GRM7: variants seen among roughly 807,000 people sequenced by gnomAD.
GRM7 encodes glutamate metabotropic receptor 7, also known as metabotropic glutamate receptor 7.
GRM7 carries 35 observed loss-of-function variants against 84.5 expected under a neutral mutation model. The ratio of observed to expected loss-of-function variants is 0.41; its 90% CI spans 0.32 to 0.55. The LOEUF (loss-of-function observed/expected upper bound fraction) is 0.55, where lower values mean the gene tolerates loss of function less well. Ranked by LOEUF, GRM7 falls within the 20% of genes least tolerant of loss-of-function variation. The pLI, the probability that GRM7 is intolerant of heterozygous loss-of-function variation, is 0.19. For synonymous variants in GRM7, 487 were observed against 455.1 expected (o/e 1.07, Z -0.89); for missense variants, 1,003 against 1,194.6 (o/e 0.84, Z 2.36).
rs555811056 is a variant in GRM7 at position 7,497,035 on chromosome 3, T to A, written c.1515+35313T>A. On this transcript the variant is annotated intron_variant, in intron 7 of 9. Transcript: ENST00000357716. The stretch of plus-strand genomic sequence containing the variant: ...CTATAGAAAAATCTAGGAATAGGAA[T>A]TCTGGCCCTTGCTTTGTCCACTTAA... Among the ~76,000 whole-genome samples, 179 of 139,718 alleles carry A rather than the reference T, an allele frequency of 1.3e-3. 1 individual carries two copies. Among genetic ancestry groups the A allele is most frequent in the African/African-American group, 4.3e-3 (171 of 40,004 alleles). The allele number at this position is 139,718 out of a possible 152,430, so 91.7% of individuals were successfully genotyped here. A position where few individuals can be genotyped will look rare whatever the true frequency, so the allele number is the denominator to read the frequency against.
intron 9 of GRM7, among the ~76,000 whole-genome samples, chr3:7,730,311 TTTTG>T (rs1002735549): frequency 6.6e-5 from 10 of 152,110 alleles, no homozygotes; most frequent in Non-Finnish European, 1.2e-4. Context: ...TGGCCTGTTT[TTTTG>T]TTTGTTTGTT....
intron 8 of GRM7, among the ~76,000 whole-genome samples, chr3:7,625,800 CAT>C (rs772379471): frequency 1.4e-4 from 22 of 152,176 alleles, no homozygotes; most frequent in Non-Finnish European, 2.9e-4. Context: ...AGAAATGTAA[CAT>C]GTGCAGTTCA....
chr3:7,217,937 T>A (rs925048410), intron 2 of GRM7, among the ~76,000 whole-genome samples: 1 of 152,014 alleles, frequency 6.6e-6, no homozygotes, highest in African/African-American at 2.4e-5. Context: ...CATATCCTTA[T>A]TAGTCAAGAT....
intron 1 of GRM7, among the ~76,000 whole-genome samples, chr3:7,096,509 C>G (rs549335278): frequency 4.9e-4 from 75 of 152,172 alleles, no homozygotes; most frequent in African/African-American, 1.5e-3. Context: ...CCCTCTCCCC[C>G]CACTGTGATG....
chr3:7,401,191 A>C (rs1329675891), intron 4 of GRM7, among the ~76,000 whole-genome samples: 1 of 152,170 alleles, frequency 6.6e-6, no homozygotes, highest in Non-Finnish European at 1.5e-5. Flanking sequence ...ACGAAGAAGC[A>C]ATCCCTGGTG....
chr3:6,927,121 G>C (rs1697325725), intron 1 of GRM7, among the ~76,000 whole-genome samples: 1 of 152,094 alleles, frequency 6.6e-6, no homozygotes, highest in Admixed American at 6.6e-5. Flanking sequence ...CATAAAATAA[G>C]TAAGTAGAAT....
At chr3:7,260,897 C>G (rs1053533060) in intron 2 of GRM7, among the ~76,000 whole-genome samples, 3 of 152,120 alleles carry the variant, frequency 2.0e-5, no homozygotes, top group Non-Finnish European at 2.9e-5. Context: ...AGCTGTGTCC[C>G]AGAGATTCTG....
At chr3:7,680,543 T>C (rs1700323914) in intron 9 of GRM7, 2 of 491,986 alleles carry the variant, frequency 4.1e-6, no homozygotes, top group Non-Finnish European at 7.4e-6. Flanking sequence ...CCCCTTCCCT[T>C]GCTTCTTGTC....
chr3:6,888,818 T>C (rs1368027518), intron 1 of GRM7, among the ~76,000 whole-genome samples: 1 of 152,174 alleles, frequency 6.6e-6, no homozygotes, highest in Non-Finnish European at 1.5e-5. Context: ...TAAATTACCT[T>C]GGGCAGTACG....
chr3:7,040,812 G>A (rs2124940690), intron 1 of GRM7, among the ~76,000 whole-genome samples: 1 of 152,066 alleles, frequency 6.6e-6, no homozygotes, highest in South Asian at 2.1e-4. Context: ...GCCAGGTGCA[G>A]TGGCTCATGC....
intron 8 of GRM7, among the ~76,000 whole-genome samples, chr3:7,584,922 A>G (rs1011365994): frequency 6.6e-6 from 1 of 152,220 alleles, no homozygotes; most frequent in African/African-American, 2.4e-5. Context: ...AAAGAAAGAG[A>G]ACTCTCATTA....
At chr3:6,958,341 T>G (rs1693153021) in intron 1 of GRM7, among the ~76,000 whole-genome samples, 1 of 152,148 alleles carries the variant, frequency 6.6e-6, no homozygotes, top group East Asian at 1.9e-4. Context: ...TCTTATTGGT[T>G]GACTAATTGA....
intron 8 of GRM7, among the ~76,000 whole-genome samples, chr3:7,624,443 T>C (rs1191615001): frequency 1.3e-5 from 2 of 152,178 alleles, no homozygotes; most frequent in East Asian, 3.9e-4. Flanking sequence ...GTTAACTACG[T>C]AATTATACAT....
chr3:6,937,839 A>G (rs1182801755), intron 1 of GRM7, among the ~76,000 whole-genome samples: 1 of 152,210 alleles, frequency 6.6e-6, no homozygotes, highest in Non-Finnish European at 1.5e-5. Context: ...TGTTGTGGTC[A>G]TGATCATTAT....
chr3:7,290,696 C>G (rs564276196), intron 2 of GRM7, among the ~76,000 whole-genome samples: 1 of 152,130 alleles, frequency 6.6e-6, no homozygotes, highest in Admixed American at 6.5e-5. Flanking sequence ...AGCATAACCT[C>G]TGCTATTTAT....
intron 1 of GRM7, among the ~76,000 whole-genome samples, chr3:7,012,710 C>T (rs1695418030): frequency 6.6e-6 from 1 of 152,096 alleles, no homozygotes; most frequent in East Asian, 1.9e-4. Flanking sequence ...AGAATCTGAA[C>T]AAATAGGCCT....
chr3:7,353,811 C>A (rs894582314), intron 4 of GRM7, among the ~76,000 whole-genome samples: 1 of 152,042 alleles, frequency 6.6e-6, no homozygotes, highest in African/African-American at 2.4e-5. Flanking sequence ...TGGTGGCACT[C>A]CACCACCAAA....
chr3:6,878,064 C>A (rs1695380771), intron 1 of GRM7, among the ~76,000 whole-genome samples: 1 of 152,064 alleles, frequency 6.6e-6, no homozygotes, highest in East Asian at 1.9e-4. Context: ...ACCAATACAG[C>A]ATGTCCCAAA....
At chr3:7,528,534 TTTAG>T (rs1700897335) in intron 7 of GRM7, among the ~76,000 whole-genome samples, 1 of 152,040 alleles carries the variant, frequency 6.6e-6, no homozygotes, top group Non-Finnish European at 1.5e-5. Context: ...CTGCTCTGCT[TTTAG>T]TTATTTTTTT....
Sources: gnomAD v4.1 joint callset for allele counts (sites outside exome capture counted in the v4.1 genomes callset) on GRCh38, gnomAD v4.1.1 for gene constraint, MANE v1.5 for transcripts, NCBI Gene and HGNC (gene_info 2026-07-23, HGNC 2026-07-21) for gene names.